Variants in WAPL observed in about 807,000 individuals in gnomAD.
WAPL encodes the protein wings apart-like protein homolog.
WAPL carries 5 observed loss-of-function variants against 121.0 expected under a neutral mutation model. The observed-to-expected ratio is 0.04, with a 90% CI of 0.02 to 0.09. WAPL has a LOEUF of 0.09. Ranked by LOEUF, WAPL falls within the 10% of genes least tolerant of loss-of-function variation. The probability of loss-of-function intolerance (pLI) is 1.00; values close to 1 mark genes in which losing one functional copy is unlikely to be tolerated. For synonymous variants in WAPL, 480 were observed against 481.5 expected (o/e 1.00, Z 0.04); for missense variants, 999 against 1,410.8 (o/e 0.71, Z 4.68).
chr10:86,439,577 A>G (rs1849411147), intron 17 of WAPL, among the ~76,000 whole-genome samples: 1 of 152,234 alleles, frequency 6.6e-6, no homozygotes, highest in Non-Finnish European at 1.5e-5. Context: ...CAAAAAGAAA[A>G]GGCATGATAC....
At position 86,438,474 on chromosome 10, in the gene WAPL, G is replaced by A. The variant is rs143117903; in HGVS notation, c.3412-459C>T. On this transcript the variant is annotated intron_variant, in intron 17 of 18. Coordinates refer to ENST00000298767, the MANE Select transcript of WAPL (RefSeq NM_015045.5). ...TCATCATGTTGGCCAGGCTGGTCTC[G>A]AGCTCCTGGGCTCAAGTAATCCACG... 5.2e-3 allele frequency among the ~76,000 whole-genome samples: 785 copies of A among 152,264 alleles called. 6 individuals carry two copies. Among genetic ancestry groups the A allele is most frequent in the Non-Finnish European group, 6.6e-3 (449 of 68,032 alleles).
At chr10:86,473,285 C>T (rs982874434) in intron 5 of WAPL, among the ~76,000 whole-genome samples, 1 of 152,204 alleles carries the variant, frequency 6.6e-6, no homozygotes, top group Non-Finnish European at 1.5e-5. Context: ...GTACATTATA[C>T]TTTAGAAAGA....
intron 2 of WAPL, among the ~76,000 whole-genome samples, chr10:86,505,057 A>C (rs1331916555): frequency 6.6e-6 from 1 of 152,214 alleles, no homozygotes; most frequent in Admixed American, 6.5e-5. Context: ...ATTTGATTAA[A>C]AAAATAAAAG....
intron 1 of WAPL, among the ~76,000 whole-genome samples, 155 bp downstream of exon 1, chr10:86,521,210 G>C (rs916427538): frequency 6.6e-6 from 1 of 152,184 alleles, no homozygotes; most frequent in Admixed American, 6.5e-5. Flanking sequence ...AAATAAAAGG[G>C]GAAAAAAAGA....
rs528017638 is a variant in WAPL, at chr10:86,459,101, C to A, written c.2581-36G>T. ...AGAATATGAAATAATTGTGGCAATCCAAAACTTTCATTCATTCATGTAACA... is the reference window on the plus strand; with the variant it reads ...AGAATATGAAATAATTGTGGCAATCAAAAACTTTCATTCATTCATGTAACA... On this transcript the variant is annotated intron_variant, in intron 11 of 18. Coordinates refer to ENST00000298767, the MANE Select transcript of WAPL (RefSeq NM_015045.5). 4.7e-5 allele frequency: 72 copies of A among 1,538,680 alleles called. No homozygotes were observed. The South Asian group carries it at 7.8e-4, about 17-fold the overall frequency.
chr10:86,439,842 G>A (rs1849418337), intron 17 of WAPL, among the ~76,000 whole-genome samples: 1 of 152,216 alleles, frequency 6.6e-6, no homozygotes, highest in Non-Finnish European at 1.5e-5. Context: ...CCACTGCAAT[G>A]CACCAGCTGC....
rs1414480278 is a variant in WAPL at position 86,436,204 on chromosome 10, A to C, written c.*1339T>G. ...GTCACTTTATACAAGGAAATAACAAAGTCTAAATGGGTAAAAATTAGACTT... is the reference window on the plus strand; with the variant it reads ...GTCACTTTATACAAGGAAATAACAACGTCTAAATGGGTAAAAATTAGACTT... On this transcript the variant is annotated 3_prime_UTR_variant, in exon 19 of 19. Transcript: ENST00000298767. 2 of 152,682 alleles carry C rather than the reference A, an allele frequency of 1.3e-5. No homozygotes were observed. The highest frequency in any genetic ancestry group is 6.5e-5 in the Admixed American group (1 of 15,278). 9.5% of individuals were successfully genotyped at this position (152,682 alleles called of 1,614,324 possible).
Position 86,460,380 on chromosome 10 carries a change from A to G in WAPL, c.2580+19T>C. ...AATTAAGACTGAATAATTTTTGCCA[A>G]ATAGTCATCCATACTTACACTTTCT... On this transcript the variant is annotated intron_variant, in intron 11 of 18. Coordinates refer to ENST00000298767, the MANE Select transcript of WAPL (RefSeq NM_015045.5). 6.2e-7 allele frequency: 1 copy of G among 1,608,498 alleles called. No individual in the cohort carries two copies. Among genetic ancestry groups the G allele is most frequent in the Non-Finnish European group, 8.5e-7 (1 of 1,176,160 alleles).
chr10:86,516,627 C>T (rs919905310), intron 2 of WAPL, among the ~76,000 whole-genome samples: 1 of 152,110 alleles, frequency 6.6e-6, no homozygotes, highest in African/African-American at 2.4e-5. Context: ...CTGCCACCCT[C>T]AATATTAGCT....
intron 12 of WAPL, 64 bp downstream of exon 12, chr10:86,458,925 G>A (rs1564567367): frequency 1.5e-6 from 2 of 1,351,934 alleles, no homozygotes; most frequent in South Asian, 1.3e-5. Flanking sequence ...TTTCATTTAT[G>A]GTCAATCCAA....
intron 2 of WAPL, among the ~76,000 whole-genome samples, chr10:86,506,470 T>C (rs1317854269): frequency 6.6e-6 from 1 of 152,254 alleles, no homozygotes; most frequent in Non-Finnish European, 1.5e-5. Flanking sequence ...AAACTGCATG[T>C]TATATTTTAA....
In WAPL at chr10:86,497,297, G is replaced by C; in HGVS notation, c.1548C>G (p.Asp516Glu). ...NNAENLDFTE[D>E]LPGVPESVKK... ...TCACACTTTCAGGCACACCAGGCAA[G>C]TCCTCTGTAAAATCCAAGTTTTCTG... Residue 516 changes from aspartate (D) to glutamate (E), a missense_variant, in exon 4 of 19, where the codon GAC (aspartate) becomes GAG (glutamate). This residue lies in a region of WAPL where 531 missense variants were observed against 563.1 expected (regional missense o/e 0.94). Transcript: ENST00000298767. 1 of 1,609,654 alleles carries C rather than the reference G, an allele frequency of 6.2e-7. No homozygotes were observed. Among genetic ancestry groups the C allele is most frequent in the Non-Finnish European group, 8.5e-7 (1 of 1,179,052 alleles).
chr10:86,437,330 C>T lies in WAPL; in HGVS notation c.*213G>A, dbSNP rs1238038169. ...ATTGTTAACAGCCTGAACCTTTTCC[C>T]CTCATTTTTGATAGTTGCAGATTGA... On this transcript the variant is annotated 3_prime_UTR_variant, in exon 19 of 19. Transcript: ENST00000298767. The T allele has an allele frequency of 1.9e-6, 1 of 518,732 alleles. No individual in the cohort carries two copies. 32.1% of individuals were successfully genotyped at this position (518,732 alleles called of 1,614,324 possible).
At chr10:86,483,820 A>C (rs1841862181) in intron 4 of WAPL, among the ~76,000 whole-genome samples, 2 of 83,584 alleles carry the variant, frequency 2.4e-5, no homozygotes, top group Non-Finnish European at 4.2e-5. Flanking sequence ...TTTTTTTGGC[A>C]GTCTCACTCT....
chr10:86,452,230 TCA>T, intron 14 of WAPL, 99 bp from the exon 15 acceptor site: 1 of 1,166,862 alleles, frequency 8.6e-7, no homozygotes, highest in Non-Finnish European at 1.2e-6. Context: ...AAGCTGAATA[TCA>T]GTGTTCTACC....
At chr10:86,447,162 T>C (rs147558991) in intron 15 of WAPL, among the ~76,000 whole-genome samples, 1 of 152,330 alleles carries the variant, frequency 6.6e-6, no homozygotes, top group East Asian at 1.9e-4. Flanking sequence ...TTTTGGAATC[T>C]ACATGCCATG....
intron 1 of WAPL, among the ~76,000 whole-genome samples, chr10:86,520,766 TA>T (rs10574217): frequency 0.67 from 65,753 of 98,000 alleles, 22,004 homozygotes; most frequent in South Asian, 0.79. Flanking sequence ...CGCTGTGATT[TA>T]AAAAAAAAAA....
chr10:86,497,107 A>T, intron 4 of WAPL, 94 bp downstream of exon 4: 1 of 1,015,228 alleles, frequency 9.9e-7, no homozygotes, highest in Non-Finnish European at 1.5e-6. Context: ...GACAGTTGCT[A>T]TGATGTTTAT....
At chr10:86,445,065 G>A (rs1381581922) in intron 16 of WAPL, among the ~76,000 whole-genome samples, 1 of 152,128 alleles carries the variant, frequency 6.6e-6, no homozygotes, top group East Asian at 1.9e-4. Context: ...CTGATGTGAA[G>A]CTGAACATAT....
Sources: allele counts gnomAD v4.1 joint callset (sites outside exome capture counted in the v4.1 genomes callset), GRCh38; gene constraint gnomAD v4.1.1; regional missense constraint gnomAD v4.1.1; transcripts MANE v1.5; gene names NCBI Gene and HGNC (gene_info 2026-07-23, HGNC 2026-07-21).